Variants in MSH3 observed in about 807,000 individuals in gnomAD.
MSH3 encodes the protein mutS homolog 3.
MSH3 carries 106 observed loss-of-function variants against 123.3 expected under a neutral mutation model. The observed-to-expected ratio is 0.86, with a 90% CI of 0.73 to 1.01. The LOEUF (loss-of-function observed/expected upper bound fraction) is 1.01, where lower values mean the gene tolerates loss of function less well. Among genes scored for constraint, MSH3 ranks in the 50% least tolerant of loss-of-function variants. MSH3 has a pLI of 0.00. For missense variants in MSH3, 1,459 were observed against 1,347.6 expected (o/e 1.08, Z -1.29); for synonymous variants, 515 against 481.4 (o/e 1.07, Z -0.91).
At chr5:80,792,453 A>T (rs576124944) in intron 18 of MSH3, among the ~76,000 whole-genome samples, 1 of 152,108 alleles carries the variant, frequency 6.6e-6, no homozygotes, top group African/African-American at 2.4e-5. Context: ...AGATCTTGTA[A>T]AGGTAAACTA....
chr5:80,782,373 T>C lies in MSH3; in HGVS notation c.2435+3537T>C, dbSNP rs144136617. Reference sequence around the variant, plus strand: ...ACAGGCTTTTTTTTTCCCCTTGTTATTATTTCTGAAACAGTACAGTATAAC... The same window carrying C: ...ACAGGCTTTTTTTTTCCCCTTGTTACTATTTCTGAAACAGTACAGTATAAC... On this transcript the variant is annotated intron_variant, in intron 17 of 23. Coordinates refer to ENST00000265081, the MANE Select transcript of MSH3 (RefSeq NM_002439.5). 8.7e-3 allele frequency among the ~76,000 whole-genome samples: 1,330 copies of C among 152,318 alleles called. 7 individuals are homozygous for C. Among genetic ancestry groups the C allele is most frequent in the Middle Eastern group, 0.044 (13 of 294 alleles).
intron 19 of MSH3, among the ~76,000 whole-genome samples, chr5:80,809,175 A>T (rs988549074): frequency 2.6e-5 from 4 of 151,904 alleles, no homozygotes; most frequent in African/African-American, 9.7e-5. Flanking sequence ...AATTGTTTTA[A>T]ACTTTACAAA....
intron 12 of MSH3, among the ~76,000 whole-genome samples, chr5:80,747,380 C>A (rs188984931): frequency 4.9e-4 from 75 of 152,094 alleles, no homozygotes; most frequent in Admixed American, 1.0e-3. Context: ...TCCTACCTTC[C>A]CAGAAAGGCA....
At chr5:80,822,073 C>T (rs1465848256) in intron 20 of MSH3, among the ~76,000 whole-genome samples, 3 of 152,150 alleles carry the variant, frequency 2.0e-5, no homozygotes, top group Non-Finnish European at 4.4e-5. Context: ...ATATTAATTA[C>T]CTGCAAAATG....
In MSH3 at chr5:80,665,360, A is replaced by G; in HGVS notation, c.576A>G (p.Gln192=). The G allele has an allele frequency of 1.2e-6, 2 of 1,609,256 alleles. No individual in the cohort carries two copies. Among genetic ancestry groups the G allele is most frequent in the East Asian group, 2.2e-5 (1 of 44,850 alleles). The change falls in exon 3 of 24, where the codon CAA becomes CAG. Residue 192 remains glutamine, a synonymous_variant. Transcript: ENST00000265081. ...SSEDSKRQIN[Q]KDTTLFDLSQ... ...AAGATTCGAAACGTCAAATTAATCA[A>G]AAGGTATGTAACTGCTATAGATGAG...
At chr5:80,754,585 G>GT (rs1406437549) in intron 12 of MSH3, among the ~76,000 whole-genome samples, 1 of 152,138 alleles carries the variant, frequency 6.6e-6, no homozygotes, top group Non-Finnish European at 1.5e-5. Flanking sequence ...GAGCAAATGA[G>GT]TAATACCTTT....
chr5:80,665,185 T>C lies in MSH3; in HGVS notation c.401T>C (p.Leu134Pro), dbSNP rs1749540955. The C allele has an allele frequency of 6.2e-7, 1 of 1,614,082 alleles. No individual in the cohort carries two copies. Among genetic ancestry groups the C allele is most frequent in the South Asian group, 1.1e-5 (1 of 91,078 alleles). The change falls in exon 3 of 24, where the codon CTG (leucine) becomes CCG (proline). Residue 134 changes from leucine (L) to proline (P), a missense_variant. By Grantham distance (98) the Leu-to-Pro change is moderately conservative (BLOSUM62 -3). Transcript: ENST00000265081. ...CLRTRNVSKS[L>P]EKLKEFCCDS... is the part of the protein sequence containing the mutation. ...AGGACCAGGAATGTTTCAAAGTCTCTGGAAAAATTGAAAGAATTCTGCTGC... is the reference window on the plus strand; with the variant it reads ...AGGACCAGGAATGTTTCAAAGTCTCCGGAAAAATTGAAAGAATTCTGCTGC...
At chr5:80,661,200 T>C (rs537564439) in intron 2 of MSH3, among the ~76,000 whole-genome samples, 1 of 152,320 alleles carries the variant, frequency 6.6e-6, no homozygotes, top group South Asian at 2.1e-4. Flanking sequence ...TTATTAAATG[T>C]GGGAAACTTT....
chr5:80,729,525 T>C (rs1237162801), intron 10 of MSH3, among the ~76,000 whole-genome samples: 1 of 151,340 alleles, frequency 6.6e-6, no homozygotes, highest in South Asian at 2.1e-4. Flanking sequence ...CTATTTGATA[T>C]ATTATAGTTT....
chr5:80,843,209 C>G (rs1745657997), intron 20 of MSH3, among the ~76,000 whole-genome samples: 1 of 151,822 alleles, frequency 6.6e-6, no homozygotes, highest in African/African-American at 2.4e-5. Flanking sequence ...ATTACACTTA[C>G]TGATTTGTGT....
intron 17 of MSH3, among the ~76,000 whole-genome samples, chr5:80,786,173 TAAA>T (rs200555628): frequency 2.0e-5 from 3 of 150,850 alleles, no homozygotes; most frequent in African/African-American, 7.3e-5. Context: ...AAAAATAAAT[TAAA>T]AAAAAGTAGG....
chr5:80,690,837 A>G (rs536725773), intron 8 of MSH3, among the ~76,000 whole-genome samples: 58 of 152,308 alleles, frequency 3.8e-4, no homozygotes, highest in African/African-American at 1.2e-3. Context: ...AAAAAAATAC[A>G]GTAGAAGTTA....
At position 80,873,157 on chromosome 5, in the gene MSH3, C is replaced by A; in HGVS notation, c.3172C>A (p.Gln1058Lys). 2 of 1,613,556 alleles carry A rather than the reference C, an allele frequency of 1.2e-6. No homozygotes were observed. The highest frequency in any genetic ancestry group is 4.5e-5 in the East Asian group (2 of 44,836). The change falls in exon 23 of 24, where the codon CAA (glutamine) becomes AAA (lysine). Residue 1058 changes from glutamine to lysine, a missense_variant. Transcript: ENST00000265081. ...QVPDFVTFLY[Q>K]ITRGIAARSY... Reference sequence around the variant, plus strand: ...CCCTGATTTTGTCACCTTCCTTTACCAAATAACTAGAGGAATTGCAGCAAG... The same window carrying A: ...CCCTGATTTTGTCACCTTCCTTTACAAAATAACTAGAGGAATTGCAGCAAG...
chr5:80,720,573 C>T (rs936023939), intron 8 of MSH3, among the ~76,000 whole-genome samples: 7 of 151,998 alleles, frequency 4.6e-5, no homozygotes, highest in East Asian at 1.9e-4. Context: ...GTCTCTAATT[C>T]CTGAGTTCTG....
chr5:80,671,316 A>G (rs1488228584), intron 4 of MSH3, among the ~76,000 whole-genome samples: 1 of 152,150 alleles, frequency 6.6e-6, no homozygotes, highest in Non-Finnish European at 1.5e-5. Context: ...TGTACACTAG[A>G]GAGTGATGAG....
intron 8 of MSH3, among the ~76,000 whole-genome samples, chr5:80,716,236 A>G (rs762217175): frequency 1.2e-4 from 19 of 152,334 alleles, no homozygotes; most frequent in South Asian, 2.1e-4. Flanking sequence ...CCCCACACCT[A>G]TCTTTCAACT....
At chr5:80,735,885 C>A (rs997154393) in intron 10 of MSH3, among the ~76,000 whole-genome samples, 7 of 152,098 alleles carry the variant, frequency 4.6e-5, no homozygotes, top group Non-Finnish European at 7.4e-5. Flanking sequence ...GATGTCATTA[C>A]AGATAATGTA....
At chr5:80,741,700 G>A (rs1743617545) in intron 11 of MSH3, 152 bp downstream of exon 11, 1 of 682,152 alleles carries the variant, frequency 1.5e-6, no homozygotes. Flanking sequence ...TTTGGAGAAT[G>A]AACTGTACAT....
chr5:80,682,699 T>C (rs909433934), intron 8 of MSH3, among the ~76,000 whole-genome samples: 3 of 152,222 alleles, frequency 2.0e-5, no homozygotes, highest in African/African-American at 7.2e-5. Context: ...ATCCATCTCC[T>C]CAAGCATTTA....
Sources: allele counts gnomAD v4.1 joint callset (sites outside exome capture counted in the v4.1 genomes callset), GRCh38; gene constraint gnomAD v4.1.1; transcripts MANE v1.5; gene names NCBI Gene and HGNC (gene_info 2026-07-23, HGNC 2026-07-21).